TAFA1: variants seen among roughly 807,000 people sequenced by gnomAD.
TAFA1 encodes TAFA chemokine like family member 1.
TAFA1 carries 4 observed loss-of-function variants against 18.5 expected under a neutral mutation model. That is an observed-to-expected ratio of 0.22 (90% CI 0.11 to 0.49). The LOEUF is 0.49. TAFA1 is among the 20% of genes least tolerant of loss of function. The pLI is 0.98. For synonymous variants in TAFA1, 56 were observed against 55.2 expected (o/e 1.01, Z -0.06); for missense variants, 147 against 169.0 (o/e 0.87, Z 0.72).
At chr3:68,495,998 CAAAAAAAA>C (rs199520960) in intron 3 of TAFA1, among the ~76,000 whole-genome samples, 10 of 107,534 alleles carry the variant, frequency 9.3e-5, no homozygotes, top group Admixed American at 1.9e-4. Context: ...TTCCCTGAAG[CAAAAAAAA>C]AAAAAAAAAA....
intron 2 of TAFA1, among the ~76,000 whole-genome samples, chr3:68,280,626 T>C (rs978611764): frequency 1.2e-4 from 18 of 151,660 alleles, no homozygotes; most frequent in South Asian, 2.1e-4. Context: ...GTTTTTTTTT[T>C]CCCCCTTCTG....
intron 2 of TAFA1, among the ~76,000 whole-genome samples, chr3:68,181,654 A>T (rs2066202351): frequency 6.6e-6 from 1 of 152,202 alleles, no homozygotes; most frequent in Non-Finnish European, 1.5e-5. Context: ...TATCTAAAGT[A>T]TGTCTTAGAT....
At chr3:68,433,702 C>T (rs565992195) in intron 3 of TAFA1, among the ~76,000 whole-genome samples, 1 of 152,080 alleles carries the variant, frequency 6.6e-6, no homozygotes, top group Non-Finnish European at 1.5e-5. Flanking sequence ...CTACTATAAT[C>T]CTAAATTTAA....
chr3:68,186,443 T>C (rs1575667780), intron 2 of TAFA1, among the ~76,000 whole-genome samples: 1 of 152,098 alleles, frequency 6.6e-6, no homozygotes, highest in African/African-American at 2.4e-5. Flanking sequence ...CCCTCTCTCA[T>C]TGTAATAATA....
At chr3:68,521,833 TG>T (rs752043847) in intron 3 of TAFA1, among the ~76,000 whole-genome samples, 2 of 145,364 alleles carry the variant, frequency 1.4e-5, no homozygotes, top group Non-Finnish European at 3.0e-5. Context: ...GAAGTGAGTC[TG>T]GGTTTTTCTG....
intron 2 of TAFA1, among the ~76,000 whole-genome samples, chr3:68,284,828 C>T (rs2067966395): frequency 6.6e-6 from 1 of 152,042 alleles, no homozygotes; most frequent in African/African-American, 2.4e-5. Context: ...ATCCTAGCTA[C>T]TGGGGAAGCT....
At chr3:68,025,013 A>G (rs576904808) in intron 2 of TAFA1, among the ~76,000 whole-genome samples, 174 of 152,170 alleles carry the variant, frequency 1.1e-3, no homozygotes, top group African/African-American at 4.0e-3. Flanking sequence ...GGCATACTGA[A>G]ATTGGGGATG....
the TAFA1 span, among the ~76,000 whole-genome samples, chr3:67,994,378 C>T: frequency 6.6e-6 from 1 of 152,260 alleles, no homozygotes; most frequent in South Asian, 2.1e-4. Context: ...CTCTTTGAAT[C>T]TTAGTCTGTT....
chr3:68,495,525 G>T (rs1448827662), intron 3 of TAFA1, among the ~76,000 whole-genome samples: 2 of 152,096 alleles, frequency 1.3e-5, no homozygotes, highest in Non-Finnish European at 2.9e-5. Flanking sequence ...TCCAAGGAAA[G>T]TCCTTGGCCT....
intron 2 of TAFA1, among the ~76,000 whole-genome samples, chr3:68,166,783 C>G (rs1026547620): frequency 6.6e-6 from 1 of 152,138 alleles, no homozygotes; most frequent in Non-Finnish European, 1.5e-5. Flanking sequence ...GAGGGCAGAA[C>G]TCTCAGGAAG....
chr3:67,998,107 C>T, the TAFA1 span, among the ~76,000 whole-genome samples: 1 of 151,522 alleles, frequency 6.6e-6, no homozygotes, highest in Non-Finnish European at 1.5e-5. Context: ...AAAACAACAG[C>T]ACCAAATAGG....
At chr3:68,029,773 C>A (rs1486245271) in intron 2 of TAFA1, among the ~76,000 whole-genome samples, 1 of 152,210 alleles carries the variant, frequency 6.6e-6, no homozygotes, top group Non-Finnish European at 1.5e-5. Flanking sequence ...ATTTTGAATG[C>A]CCTCAGGAGC....
At chr3:68,318,057 T>C (rs1046058144) in intron 2 of TAFA1, among the ~76,000 whole-genome samples, 1 of 152,192 alleles carries the variant, frequency 6.6e-6, no homozygotes, top group Non-Finnish European at 1.5e-5. Flanking sequence ...CAGCTGTCTA[T>C]TAAAATTCTA....
chr3:68,257,479 T>C (rs1447866451), intron 2 of TAFA1, among the ~76,000 whole-genome samples: 1 of 151,780 alleles, frequency 6.6e-6, no homozygotes, highest in Admixed American at 6.6e-5. Context: ...TCAGACAAGA[T>C]GTGGTTGGTG....
chr3:68,238,053 T>C (rs1038840315), intron 2 of TAFA1, among the ~76,000 whole-genome samples: 7 of 152,064 alleles, frequency 4.6e-5, no homozygotes, highest in African/African-American at 1.7e-4. Context: ...CACCACTAAA[T>C]ACTGAAACCT....
chr3:68,326,500 G>A (rs1355749966), intron 2 of TAFA1, among the ~76,000 whole-genome samples: 1 of 152,182 alleles, frequency 6.6e-6, no homozygotes, highest in Non-Finnish European at 1.5e-5. Context: ...CTTGGAACAT[G>A]TTGACCTGAG....
At chr3:68,120,189 CT>C (rs1188995283) in intron 2 of TAFA1, among the ~76,000 whole-genome samples, 3 of 37,544 alleles carry the variant, frequency 8.0e-5, no homozygotes, top group South Asian at 1.3e-3. Flanking sequence ...TTCTTTCTTT[CT>C]TTCTTTCTTT....
At chr3:68,091,735 C>T (rs2065032164) in intron 2 of TAFA1, among the ~76,000 whole-genome samples, 2 of 152,080 alleles carry the variant, frequency 1.3e-5, no homozygotes, top group South Asian at 2.1e-4. Flanking sequence ...GCAGTGGGGC[C>T]ATGTTCACCT....
chr3:68,240,566 T>G (rs945689785), intron 2 of TAFA1, among the ~76,000 whole-genome samples: 1 of 152,166 alleles, frequency 6.6e-6, no homozygotes. Flanking sequence ...CGGGTTTATA[T>G]GACCTTTGAC....
Sources: allele counts gnomAD v4.1 joint callset (sites outside exome capture counted in the v4.1 genomes callset), GRCh38; gene constraint gnomAD v4.1.1; transcripts MANE v1.5; gene names NCBI Gene and HGNC (gene_info 2026-07-23, HGNC 2026-07-21).